Variants in MAML2 observed in about 807,000 individuals in gnomAD.
MAML2 encodes the protein mastermind-like protein 2.
MAML2 carries 22 observed loss-of-function variants against 96.1 expected under a neutral mutation model. That is an observed-to-expected ratio of 0.23 (90% CI 0.16 to 0.33). MAML2 has a LOEUF of 0.33. Ranked by LOEUF, MAML2 falls within the 10% of genes least tolerant of loss-of-function variation. The pLI, the probability that MAML2 is intolerant of heterozygous loss-of-function variation, is 1.00. For synonymous variants in MAML2, 561 were observed against 521.3 expected (o/e 1.08, Z -1.04); for missense variants, 1,367 against 1,392.4 (o/e 0.98, Z 0.29).
intron 1 of MAML2, among the ~76,000 whole-genome samples, chr11:96,305,769 C>T (rs755001976): frequency 1.7e-4 from 26 of 152,056 alleles, no homozygotes; most frequent in South Asian, 4.1e-4. Context: ...CTTAGAAGTA[C>T]GGTAACTGGA....
At chr11:96,106,914 T>TA (rs1196555453) in intron 1 of MAML2, among the ~76,000 whole-genome samples, 6 of 150,990 alleles carry the variant, frequency 4.0e-5, no homozygotes, top group Admixed American at 4.0e-4. Context: ...AGTGCTTCCT[T>TA]ACACATGACC....
intron 1 of MAML2, among the ~76,000 whole-genome samples, chr11:96,129,115 A>G (rs1051623960): frequency 1.3e-5 from 2 of 152,202 alleles, no homozygotes; most frequent in African/African-American, 4.8e-5. Flanking sequence ...ATAATCATAC[A>G]TGGAAAAAAG....
At chr11:96,200,292 ATGGC>A (rs1444497716) in intron 1 of MAML2, among the ~76,000 whole-genome samples, 1 of 152,234 alleles carries the variant, frequency 6.6e-6, no homozygotes, top group Non-Finnish European at 1.5e-5. Flanking sequence ...AGGAGAAGCC[ATGGC>A]TGAGCTCTGC....
chr11:96,182,044 G>A (rs977755331), intron 1 of MAML2, among the ~76,000 whole-genome samples: 2 of 152,146 alleles, frequency 1.3e-5, no homozygotes, highest in African/African-American at 2.4e-5. Context: ...TTCAAAAGAC[G>A]TGGTGGAAAA....
intron 1 of MAML2, among the ~76,000 whole-genome samples, chr11:96,178,589 C>T (rs2135908134): frequency 6.6e-6 from 1 of 152,244 alleles, no homozygotes; most frequent in East Asian, 1.9e-4. Context: ...GGGAGCTGTA[C>T]AACCAATCGC....
At chr11:96,180,964 G>C (rs1339246851) in intron 1 of MAML2, among the ~76,000 whole-genome samples, 1 of 151,428 alleles carries the variant, frequency 6.6e-6, no homozygotes, top group Non-Finnish European at 1.5e-5. Context: ...GTGGGCAGGA[G>C]TGGGGGTCGC....
chr11:96,307,638 T>C (rs531089969), intron 1 of MAML2, among the ~76,000 whole-genome samples: 97 of 152,272 alleles, frequency 6.4e-4, no homozygotes, highest in African/African-American at 2.2e-3. Flanking sequence ...AAGGGAATGA[T>C]CATTCTGCTC....
rs79530905 is a variant in MAML2, at chr11:96,133,402, C to T, written c.514-39885G>A. Among the ~76,000 whole-genome samples the T allele has an allele frequency of 4.0e-3, 608 of 151,956 alleles. 3 individuals are homozygous for T. The highest frequency in any genetic ancestry group is 0.01 in the Middle Eastern group (3 of 294). On this transcript the variant is annotated intron_variant, in intron 1 of 4. Transcript: ENST00000524717. ...CATTTTCTTATCGATTTTAAAATTT[C>T]GCAAGCACCCAGATCTGCTATTTTT...
intron 2 of MAML2, among the ~76,000 whole-genome samples, chr11:95,994,264 C>T (rs1269322378): frequency 6.6e-6 from 1 of 152,176 alleles, no homozygotes; most frequent in Non-Finnish European, 1.5e-5. Context: ...ATAATTACAG[C>T]CATCTCTGAG....
intron 1 of MAML2, among the ~76,000 whole-genome samples, chr11:96,223,004 C>G (rs1034013455): frequency 6.6e-6 from 1 of 151,970 alleles, no homozygotes; most frequent in Non-Finnish European, 1.5e-5. Context: ...CAAAAGCTAA[C>G]CTTTAGTTTT....
chr11:96,181,558 C>A (rs1266888662), intron 1 of MAML2, among the ~76,000 whole-genome samples: 1 of 152,082 alleles, frequency 6.6e-6, no homozygotes, highest in Non-Finnish European at 1.5e-5. Flanking sequence ...CCTCCCACCC[C>A]CTTCAAGTCT....
chr11:96,198,432 ATTCC>A (rs1385712632), intron 1 of MAML2, among the ~76,000 whole-genome samples: 2 of 152,196 alleles, frequency 1.3e-5, no homozygotes, highest in African/African-American at 4.8e-5. Flanking sequence ...GCATACAGAA[ATTCC>A]CAGCTAAACA....
intron 1 of MAML2, among the ~76,000 whole-genome samples, chr11:96,195,793 T>G (rs574437677): frequency 6.6e-6 from 1 of 152,328 alleles, no homozygotes; most frequent in Admixed American, 6.5e-5. Flanking sequence ...TAGCAGTTTA[T>G]GAGAAAATTA....
At chr11:96,076,547 A>G (rs1859442581) in intron 2 of MAML2, among the ~76,000 whole-genome samples, 2 of 151,936 alleles carry the variant, frequency 1.3e-5, no homozygotes, top group East Asian at 1.9e-4. Flanking sequence ...CCCTGAGGGA[A>G]GCCTCGGCAT....
Position 96,254,808 on chromosome 11 carries a change from G to A in MAML2, c.513+86575C>T, listed in dbSNP as rs192490216. Among the ~76,000 whole-genome samples, 484 of 152,080 alleles carry A rather than the reference G, an allele frequency of 3.2e-3. 3 individuals are homozygous for A. Among genetic ancestry groups the A allele is most frequent in the Non-Finnish European group, 5.4e-3 (364 of 67,964 alleles). ...TGTCAGAGGCAGAGGATAAATTGAG[G>A]GCTCCTTTTTTTATTTTTTATTTAT... On this transcript the variant is annotated intron_variant, in intron 1 of 4. Coordinates refer to ENST00000524717, the MANE Select transcript of MAML2 (RefSeq NM_032427.4).
intron 2 of MAML2, among the ~76,000 whole-genome samples, chr11:96,041,357 C>T (rs1460443843): frequency 4.1e-5 from 6 of 148,042 alleles, no homozygotes; most frequent in Admixed American, 6.9e-5. Context: ...AAAATTTAGC[C>T]GGGCATAGTG....
At chr11:96,078,103 G>A (rs1859472569) in intron 2 of MAML2, among the ~76,000 whole-genome samples, 1 of 152,148 alleles carries the variant, frequency 6.6e-6, no homozygotes, top group Admixed American at 6.5e-5. Flanking sequence ...AGGCTGAGGT[G>A]GATGCCCCTT....
chr11:96,092,317 G>T lies in MAML2; in HGVS notation c.1714C>A (p.Pro572Thr). ...TTGTTCTGGGAAGGCAAAACAGAAG[G>T]CATCTGCTGGTTCGCTTGATCTGAG... is the stretch of plus-strand genomic sequence containing the variant. ...FNSDQANQQMPSVLPSQNKPS... is the reference protein window; with the variant it reads ...FNSDQANQQMTSVLPSQNKPS... Residue 572 changes from proline (P) to threonine (T), a missense_variant, in exon 2 of 5, where the codon CCT (proline) becomes ACT (threonine). Pro to Thr is a conservative substitution (Grantham distance 38, BLOSUM62 -1). Transcript: ENST00000524717. The surrounding 1 kb of genome is among the most constrained non-coding windows in gnomAD (Gnocchi z 4.1). 6.3e-7 allele frequency: 1 copy of T among 1,591,054 alleles called. No individual in the cohort carries two copies.
At chr11:96,185,950 G>A (rs1248965999) in intron 1 of MAML2, among the ~76,000 whole-genome samples, 3 of 152,100 alleles carry the variant, frequency 2.0e-5, no homozygotes, top group Admixed American at 6.5e-5. Flanking sequence ...CCAACAGAAA[G>A]CACCTTTCAA....
Sources: allele counts gnomAD v4.1 joint callset (sites outside exome capture counted in the v4.1 genomes callset), GRCh38; gene constraint gnomAD v4.1.1; non-coding constraint Gnocchi (gnomAD v3.1); transcripts MANE v1.5; gene names NCBI Gene and HGNC (gene_info 2026-07-23, HGNC 2026-07-21).